The following SPNS2 variants were observed in gnomAD, a reference collection of about 807,000 sequenced individuals.
SPNS2 encodes sphingosine-1-phosphate transporter SPNS2.
A neutral mutation model predicts 57.6 loss-of-function variants in SPNS2; 37 were observed. That is an observed-to-expected ratio of 0.64 (90% confidence interval 0.49 to 0.85). The LOEUF is 0.85. Ranked by LOEUF, SPNS2 falls within the 40% of genes least tolerant of loss-of-function variation. The pLI is 0.00. For synonymous variants in SPNS2, 440 were observed against 346.9 expected, an observed-to-expected ratio of 1.27 and a Z score of -2.98; for missense variants, 831 against 779.1, an observed-to-expected ratio of 1.07 and a Z score of -0.79.
At chr17:4,502,267 C>T (rs993587263) in intron 1 of SPNS2, among the ~76,000 whole-genome samples, 1 of 151,888 alleles carries the variant, frequency 6.6e-6, no homozygotes, top group African/African-American at 2.4e-5. Flanking sequence ...GTAGTCCCAG[C>T]TACTCGGGAG....
At position 4,537,858 on chromosome 17, in the gene SPNS2, C is replaced by A. The variant is rs1348374185; in HGVS notation, c.*410C>A. 2.2e-6 allele frequency: 1 copy of A among 453,482 alleles called. No homozygotes were observed. The highest frequency in any genetic ancestry group is 4.5e-6 in the Non-Finnish European group (1 of 224,474). The allele number at this position is 453,482 out of a possible 1,614,324, so 28.1% of individuals were successfully genotyped here. ...CACAACTTGCTGGGCAAAGCACGAT[C>A]TGCAGCTTTGAAGACTCAACAGACC... On this transcript the variant is annotated 3_prime_UTR_variant, in exon 13 of 13. Transcript: ENST00000329078.
chr17:4,530,710 A>G lies in SPNS2; in HGVS notation c.652A>G (p.Ile218Val), dbSNP rs1255530396. The change falls in exon 4 of 13, where the codon ATT (isoleucine) becomes GTT (valine). Residue 218 changes from isoleucine (I) to valine (V), a missense_variant. Around this residue, in one of 2 missense-constraint regions of SPNS2, gnomAD observed 305 missense variants for 378.3 expected, o/e 0.81. Coordinates refer to ENST00000329078, the MANE Select transcript of SPNS2 (RefSeq NM_001124758.3). ...CTACTCCACCATCGCCCCCACTATC[A>G]TTGGCGACCTCTTCACCAAGAACAC... Reference protein sequence around the residue: ...ASYSTIAPTIIGDLFTKNTRT... With the variant: ...ASYSTIAPTIVGDLFTKNTRT... 6.2e-7 allele frequency: 1 copy of G among 1,613,968 alleles called. No homozygotes were observed. The highest frequency in any genetic ancestry group is 2.2e-5 in the East Asian group (1 of 44,880).
chr17:4,536,004 C>T (rs1905765387), intron 9 of SPNS2, 72 bp from the exon 10 acceptor site: 8 of 1,361,254 alleles, frequency 5.9e-6, no homozygotes, highest in South Asian at 3.8e-5. Context: ...TCAGAAGTGC[C>T]ACGGCCCGGG....
chr17:4,518,459 C>G (rs1905053196), intron 2 of SPNS2, among the ~76,000 whole-genome samples: 1 of 152,156 alleles, frequency 6.6e-6, no homozygotes, highest in South Asian at 2.1e-4. Context: ...GGAGGCGGAG[C>G]TTGCAGTGAG....
Position 4,538,717 on chromosome 17 carries a change from G to T in SPNS2, c.*1269G>T, listed in dbSNP as rs369821032. The T allele has an allele frequency of 4.7e-6, 3 of 637,526 alleles. No individual in the cohort carries two copies. In the African/African-American group the frequency reaches 5.5e-5, roughly 12 times the overall value. 39.5% of individuals were successfully genotyped at this position (637,526 alleles called of 1,614,324 possible). A position where few individuals can be genotyped will look rare whatever the true frequency, so the allele number is the denominator to read the frequency against. On this transcript the variant is annotated 3_prime_UTR_variant, in exon 13 of 13. Transcript: ENST00000329078. Reference sequence around the variant, plus strand: ...TGCTCTTCTTGCCCCTTAGTTACTGGCTGGCTGTGGCTTCAGTGGTGTGTA... The same window carrying T: ...TGCTCTTCTTGCCCCTTAGTTACTGTCTGGCTGTGGCTTCAGTGGTGTGTA...
Position 4,511,160 on chromosome 17 carries a change from C to T in SPNS2, c.371-2087C>T, listed in dbSNP as rs1289170177. 6.6e-6 allele frequency among the ~76,000 whole-genome samples: 1 copy of T among 152,204 alleles called. No homozygotes were observed. Among genetic ancestry groups the T allele is most frequent in the East Asian group, 1.9e-4 (1 of 5,202 alleles). On this transcript the variant is annotated intron_variant, in intron 1 of 12. Transcript: ENST00000329078. This position sits in a 1 kb window ranked among gnomAD's most constrained non-coding sequence, Gnocchi z 4.6. Reference sequence around the variant, plus strand: ...GCTTCTGTGTGCATTCCCTATAGAACCCACTCATCCTGGTAGGCCCAGTGC... The same window carrying T: ...GCTTCTGTGTGCATTCCCTATAGAATCCACTCATCCTGGTAGGCCCAGTGC...
intron 1 of SPNS2, among the ~76,000 whole-genome samples, chr17:4,500,655 C>A (rs944007445): frequency 2.0e-5 from 3 of 152,094 alleles, no homozygotes; most frequent in Non-Finnish European, 2.9e-5. Context: ...CTAAAGAGAA[C>A]TTTGCGGCAA....
intron 10 of SPNS2, 42 bp downstream of exon 10, chr17:4,536,216 G>A (rs1555538126): frequency 6.2e-7 from 1 of 1,608,580 alleles, no homozygotes; most frequent in Non-Finnish European, 8.5e-7. Flanking sequence ...CAGGCTGGGG[G>A]ACTGCAGGAG....
At chr17:4,518,223 C>A (rs573762305) in intron 2 of SPNS2, among the ~76,000 whole-genome samples, 3 of 152,014 alleles carry the variant, frequency 2.0e-5, no homozygotes, top group African/African-American at 7.2e-5. Flanking sequence ...CAGGGCAGTC[C>A]GTGTAAAATG....
chr17:4,504,601 TC>T (rs1295962193), intron 1 of SPNS2, among the ~76,000 whole-genome samples: 1 of 152,184 alleles, frequency 6.6e-6, no homozygotes, highest in African/African-American at 2.4e-5. Flanking sequence ...CCTTGTCCCT[TC>T]CCCAGAACCT....
Position 4,536,108 on chromosome 17 carries a change from C to A in SPNS2, c.1377C>A (p.Ala459=), listed in dbSNP as rs138268297. 1,142 of 1,612,420 alleles carry A rather than the reference C, an allele frequency of 7.1e-4. 13 individuals carry two copies. In the East Asian group the frequency reaches 0.021, roughly 30 times the overall value. Residue 459 remains alanine (A), a synonymous_variant, in exon 10 of 13, where the codon GCC becomes GCA. Coordinates refer to ENST00000329078, the MANE Select transcript of SPNS2 (RefSeq NM_001124758.3). ...TCATCCCCACGCGGCGCGCCACTGCCGTGGCCTTGCAGAGCTTCACCTCCC... is the reference window on the plus strand; with the variant it reads ...TCATCCCCACGCGGCGCGCCACTGCAGTGGCCTTGCAGAGCTTCACCTCCC... ...YVVIPTRRAT[A]VALQSFTSHL...
Position 4,537,960 on chromosome 17 carries a change from A to T in SPNS2, c.*512A>T, listed in dbSNP as rs1905956933. On this transcript the variant is annotated 3_prime_UTR_variant, in exon 13 of 13. Coordinates refer to ENST00000329078, the MANE Select transcript of SPNS2 (RefSeq NM_001124758.3). ...TTTGAGGCTCACGCGAGGGCCTGGTATGCAGGGACCACTGCTCAGCTGGGC... is the reference window on the plus strand; with the variant it reads ...TTTGAGGCTCACGCGAGGGCCTGGTTTGCAGGGACCACTGCTCAGCTGGGC... 1 of 368,732 alleles carries T rather than the reference A, an allele frequency of 2.7e-6. No homozygotes were observed. The highest frequency in any genetic ancestry group is 5.5e-6 in the Non-Finnish European group (1 of 183,174). 22.8% of individuals were successfully genotyped at this position (368,732 alleles called of 1,614,324 possible). A position where few individuals can be genotyped will look rare whatever the true frequency, so the allele number is the denominator to read the frequency against.
intron 9 of SPNS2, among the ~76,000 whole-genome samples, chr17:4,534,678 C>CCCCTGGGGTGGCTCTGTGTCCT (rs1156272236): frequency 2.0e-5 from 3 of 152,128 alleles, no homozygotes; most frequent in Non-Finnish European, 4.4e-5. Flanking sequence ...TATCCGCTTC[C>CCCCTGGGGTGGCTCTGTGTCCT]CCCTGGGGTG....
intron 9 of SPNS2, among the ~76,000 whole-genome samples, chr17:4,534,828 G>A (rs1597370940): frequency 6.6e-6 from 1 of 152,246 alleles, no homozygotes; most frequent in East Asian, 1.9e-4. Flanking sequence ...AGGAGTCCGT[G>A]CAGATTAAGT....
In SPNS2 at chr17:4,536,006, C is replaced by T. The variant is rs545662689; in HGVS notation, c.1345-70C>T. 742 of 1,374,866 alleles carry T rather than the reference C, an allele frequency of 5.4e-4. 5 individuals carry two copies. In the African/African-American group the frequency reaches 9.0e-3, roughly 17 times the overall value. 85.2% of individuals were successfully genotyped at this position (1,374,866 alleles called of 1,614,324 possible). A position where few individuals can be genotyped will look rare whatever the true frequency, so the allele number is the denominator to read the frequency against. On this transcript the variant is annotated intron_variant, in intron 9 of 12. Coordinates refer to ENST00000329078, the MANE Select transcript of SPNS2 (RefSeq NM_001124758.3). ...GGGTGTGGGGGCTTCAGAAGTGCCACGGCCCGGGGCCAGGGCCAAGCGCGT... is the reference window on the plus strand; with the variant it reads ...GGGTGTGGGGGCTTCAGAAGTGCCATGGCCCGGGGCCAGGGCCAAGCGCGT...
At chr17:4,506,638 C>T (rs995642559) in intron 1 of SPNS2, among the ~76,000 whole-genome samples, 2 of 152,190 alleles carry the variant, frequency 1.3e-5, no homozygotes, top group African/African-American at 4.8e-5. Context: ...GAGGGGGACA[C>T]TCTGAGCTCC....
intron 9 of SPNS2, among the ~76,000 whole-genome samples, chr17:4,534,214 C>G (rs1905649953): frequency 6.6e-6 from 1 of 152,166 alleles, no homozygotes; most frequent in Admixed American, 6.5e-5. Context: ...GCCCTCTCTA[C>G]TCAGCCTGGC....
At chr17:4,529,809 G>T (rs1421018450) in intron 3 of SPNS2, among the ~76,000 whole-genome samples, 1 of 152,200 alleles carries the variant, frequency 6.6e-6, no homozygotes, top group Non-Finnish European at 1.5e-5. Context: ...GATGGAAAAA[G>T]AGAGACAAGC....
intron 1 of SPNS2, among the ~76,000 whole-genome samples, chr17:4,502,051 T>C (rs1904527085): frequency 6.6e-6 from 1 of 152,212 alleles, no homozygotes; most frequent in Non-Finnish European, 1.5e-5. Context: ...TAACTCAATA[T>C]ATCCAACATA....
Sources: allele counts gnomAD v4.1 joint callset (sites outside exome capture counted in the v4.1 genomes callset), GRCh38; gene constraint gnomAD v4.1.1; regional missense constraint gnomAD v4.1.1; non-coding constraint Gnocchi (gnomAD v3.1); transcripts MANE v1.5; gene names NCBI Gene and HGNC (gene_info 2026-07-23, HGNC 2026-07-21).